LLGL1: variants seen among roughly 807,000 people sequenced by gnomAD.
LLGL1 encodes the protein lethal(2) giant larvae protein homolog 1.
A neutral mutation model predicts 110.6 loss-of-function variants in LLGL1; 58 were observed. The ratio of observed to expected loss-of-function variants is 0.52; its 90% CI spans 0.42 to 0.65. The LOEUF is 0.65. Ranked by LOEUF, LLGL1 falls within the 30% of genes least tolerant of loss-of-function variation. The pLI, the probability that LLGL1 is intolerant of heterozygous loss-of-function variation, is 0.00. For missense variants in LLGL1, 1,229 were observed against 1,462.1 expected (o/e 0.84, Z 2.60); for synonymous variants, 674 against 607.2 (o/e 1.11, Z -1.62).
In LLGL1 at chr17:18,234,908, G is replaced by A. The variant is rs772636093; in HGVS notation, c.975G>A (p.Val325=). 65 of 1,613,902 alleles carry A rather than the reference G, an allele frequency of 4.0e-5. No homozygotes were observed. Among genetic ancestry groups the A allele is most frequent in the Non-Finnish European group, 4.8e-5 (57 of 1,179,990 alleles). Residue 325 remains valine (V), a synonymous_variant, in exon 9 of 23, where the codon GTG becomes GTA. Coordinates refer to ENST00000316843, the MANE Select transcript of LLGL1 (RefSeq NM_004140.4). The part of the protein sequence containing the change: ...ASYGDRHCVS[V]LRAETLVTLD... ...ATGGTGACCGCCACTGTGTAAGTGT[G>A]CTTCGAGCCGAGACATTGGTGACGC...
chr17:18,234,481 G>A (rs2047644991), intron 7 of LLGL1, 73 bp downstream of exon 7: 3 of 1,591,782 alleles, frequency 1.9e-6, no homozygotes, highest in Non-Finnish European at 2.6e-6. Flanking sequence ...CAAACTGGCT[G>A]AGGAGGGACT....
intron 1 of LLGL1, 35 bp downstream of exon 1, chr17:18,225,798 AGGGGGCGGGAC>A: frequency 5.6e-6 from 1 of 178,218 alleles, no homozygotes; most frequent in Non-Finnish European, 8.1e-6. Context: ...CTCGGGCGGG[AGGGGGCGGGAC>A]GGGGGCCTGG....
In LLGL1 at chr17:18,236,865, C is replaced by T. The variant is rs751327252; in HGVS notation, c.1537C>T (p.Pro513Ser). 1.9e-6 allele frequency: 3 copies of T among 1,613,916 alleles called. No individual in the cohort carries two copies. The highest frequency in any genetic ancestry group is 1.7e-5 in the Admixed American group (1 of 60,018). ...CTGCTTCGATCCCTACAGTGACGAT[C>T]CCCGGCTTGGCGTGCAGAAGGTTGC... ...VGCFDPYSDD[P>S]RLGVQKVALC... is the part of the protein sequence containing the mutation. The change falls in exon 13 of 23, where the codon CCC becomes TCC. Residue 513 changes from proline (P) to serine (S), a missense_variant. Physicochemically the swap from Pro to Ser is moderately conservative, Grantham distance 74 (BLOSUM62 -1). Transcript: ENST00000316843.
intron 11 of LLGL1, chr17:18,235,844 A>G (rs751021572): frequency 1.8e-4 from 70 of 391,116 alleles, no homozygotes; most frequent in South Asian, 3.7e-4. Context: ...GGAAGGTGCC[A>G]GAGAGCCCAG....
rs1007570328 is a variant in LLGL1, at chr17:18,229,831, C to T, written c.82-110C>T. ...GAGCAAGTAGACCTGCCTCCTACCC[C>T]CAGTGTGTCAGCTGCAGACCCTGGA... On this transcript the variant is annotated intron_variant, in intron 1 of 22. Coordinates refer to ENST00000316843, the MANE Select transcript of LLGL1 (RefSeq NM_004140.4). The T allele has an allele frequency of 7.1e-5, 49 of 689,524 alleles. No homozygotes were observed. In the Middle Eastern group the frequency reaches 1.2e-3, roughly 17 times the overall value. 42.7% of individuals were successfully genotyped at this position (689,524 alleles called of 1,614,324 possible).
Position 18,241,661 on chromosome 17 carries a change from C to G in LLGL1, c.2713C>G (p.Arg905Gly). 6.2e-7 allele frequency: 1 copy of G among 1,613,730 alleles called. No homozygotes were observed. Among genetic ancestry groups the G allele is most frequent in the Non-Finnish European group, 8.5e-7 (1 of 1,180,024 alleles). ...GCCCCAGGTGCACTATTCCTGCATC[C>G]GGAAGGAGGACATCAGCGGCATCGC... is the stretch of plus-strand genomic sequence containing the variant. ...LRPQVHYSCI[R>G]KEDISGIASC... Residue 905 changes from arginine to glycine, a missense_variant, in exon 18 of 23, where the codon CGG becomes GGG. Arg to Gly is a moderately radical substitution (Grantham distance 125, BLOSUM62 -2). Transcript: ENST00000316843.
At chr17:18,241,297 T>G in intron 17 of LLGL1, 154 bp from the exon 18 acceptor site, 1 of 890,370 alleles carries the variant, frequency 1.1e-6, no homozygotes, top group Non-Finnish European at 1.7e-6. Context: ...AAGTCTGGAG[T>G]TTAGTGGGGC....
rs1317950244 is a variant in LLGL1, at chr17:18,233,763, C to G, written c.393-15C>G. The stretch of plus-strand genomic sequence containing the variant: ...TGGGCTTGTACCCTCACTCCCTTCC[C>G]CTTGTTCCCTGCAGTGCTCCGCTCA... On this transcript the variant is annotated splice_polypyrimidine_tract_variant and intron_variant, in intron 4 of 22. Transcript: ENST00000316843. 1 of 1,607,996 alleles carries G rather than the reference C, an allele frequency of 6.2e-7. No individual in the cohort carries two copies. The highest frequency in any genetic ancestry group is 1.7e-5 in the Admixed American group (1 of 59,776).
chr17:18,237,638 G>A lies in LLGL1; in HGVS notation c.1769G>A (p.Arg590His), dbSNP rs776809019. The change falls in exon 14 of 23, where the codon CGT (arginine) becomes CAT (histidine). Residue 590 changes from arginine (R) to histidine (H), a missense_variant. Transcript: ENST00000316843. Reference protein sequence around the residue: ...PLPWPAGFQPRVLVQCLPPAA... With the variant: ...PLPWPAGFQPHVLVQCLPPAA... ...CCCTGGCCTGCTGGCTTCCAGCCCC[G>A]TGTCCTGGTGCAGTGCCTGCCGCCA... 12 of 1,611,768 alleles carry A rather than the reference G, an allele frequency of 7.4e-6. No individual in the cohort carries two copies. The African/African-American group carries it at 1.1e-4, about 14-fold the overall frequency.
At chr17:18,243,507 G>A (rs1317158997) in intron 22 of LLGL1, among the ~76,000 whole-genome samples, 1 of 152,252 alleles carries the variant, frequency 6.6e-6, no homozygotes, top group Non-Finnish European at 1.5e-5. Flanking sequence ...GGTGCACGAG[G>A]TCAGGTCTCA....
chr17:18,234,435 A>G lies in LLGL1; in HGVS notation c.850+27A>G, dbSNP rs771810094. The stretch of plus-strand genomic sequence containing the variant: ...TGAGTGCTGGGGACACCTTAGCCAG[A>G]GGGTGGTGATGGGAGGGGGCACCAC... On this transcript the variant is annotated intron_variant, in intron 7 of 22. Coordinates refer to ENST00000316843, the MANE Select transcript of LLGL1 (RefSeq NM_004140.4). The G allele has an allele frequency of 3.7e-6, 6 of 1,607,664 alleles. No homozygotes were observed. In the South Asian group the frequency reaches 6.6e-5, roughly 18 times the overall value.
rs1567700333 is a variant in LLGL1, at chr17:18,244,736, A to AGGGGGGGGGGGGG, written c.*840_*841insGGGGGGGGGGGGG. The AGGGGGGGGGGGGG allele has an allele frequency of 2.9e-4, 3 of 10,198 alleles. No homozygotes were observed. The highest frequency in any genetic ancestry group is 4.7e-3 in the East Asian group (1 of 212). The allele number at this position is 10,198 out of a possible 1,614,324, so 0.6% of individuals were successfully genotyped here. A position where few individuals can be genotyped will look rare whatever the true frequency, so the allele number is the denominator to read the frequency against. Reference sequence around the variant, plus strand: ...TGTGTGTCCGGCGGGGGGGGGGGGCAGGGGGGGGGGTCAAGATGAGTTTCC... The same window carrying AGGGGGGGGGGGGG: ...TGTGTGTCCGGCGGGGGGGGGGGGCAGGGGGGGGGGGGGGGGGGGGGGGTCAAGATGAGTTTCC... On this transcript the variant is annotated 3_prime_UTR_variant, in exon 23 of 23. Coordinates refer to ENST00000316843, the MANE Select transcript of LLGL1 (RefSeq NM_004140.4).
At chr17:18,241,189 T>C in intron 17 of LLGL1, 1 of 583,878 alleles carries the variant, frequency 1.7e-6, no homozygotes, top group South Asian at 2.3e-5. Context: ...GAACTCGAGG[T>C]TTGATGGGGA....
chr17:18,230,064 G>A (rs772573509), intron 2 of LLGL1, 26 bp downstream of exon 2: 3 of 1,576,684 alleles, frequency 1.9e-6, no homozygotes, highest in Admixed American at 3.4e-5. Flanking sequence ...CAGGTGTTCA[G>A]GGTCTGTTCA....
intron 11 of LLGL1, chr17:18,236,388 C>T (rs536023478): frequency 1.1e-5 from 6 of 555,438 alleles, no homozygotes; most frequent in African/African-American, 5.6e-5. Context: ...GGTTTAAAGG[C>T]TCCAGGTGCA....
At position 18,229,973 on chromosome 17, in the gene LLGL1, C is replaced by A. The variant is rs772520170; in HGVS notation, c.114C>A (p.Ser38Arg). ...TVEHGFPNQP[S>R]ALAFDPELRI... ...AGCATGGCTTCCCCAATCAGCCCAG[C>A]GCCCTGGCCTTCGACCCGGAACTTC... The change falls in exon 2 of 23, where the codon AGC becomes AGA. Residue 38 changes from serine (S) to arginine (R), a missense_variant. Transcript: ENST00000316843. 4 of 1,611,728 alleles carry A rather than the reference C, an allele frequency of 2.5e-6. No individual in the cohort carries two copies. Among genetic ancestry groups the A allele is most frequent in the African/African-American group, 1.3e-5 (1 of 74,890 alleles).
intron 1 of LLGL1, 75 bp from the exon 2 acceptor site, chr17:18,229,866 G>GGGGT (rs1473092308): frequency 1.0e-6 from 1 of 998,262 alleles, no homozygotes; most frequent in African/African-American, 1.6e-5. Flanking sequence ...AGGCTGCCTT[G>GGGGT]GGGTGGGCCT....
At chr17:18,226,383 T>C (rs2047443709) in intron 1 of LLGL1, among the ~76,000 whole-genome samples, 1 of 152,168 alleles carries the variant, frequency 6.6e-6, no homozygotes, top group Non-Finnish European at 1.5e-5. Context: ...CGGTTTGTTT[T>C]GTGCTTTGGC....
chr17:18,229,822 C>T (rs1567685583), intron 1 of LLGL1, 119 bp from the exon 2 acceptor site: 9 of 666,924 alleles, frequency 1.3e-5, no homozygotes, highest in Non-Finnish European at 2.4e-5. Context: ...GTAGACCTGC[C>T]TCCTACCCCC....
Sources: gnomAD v4.1 joint callset for allele counts (sites outside exome capture counted in the v4.1 genomes callset) on GRCh38, gnomAD v4.1.1 for gene constraint, MANE v1.5 for transcripts, NCBI Gene and HGNC (gene_info 2026-07-23, HGNC 2026-07-21) for gene names.